Variants in TAFA2 observed in about 807,000 individuals in gnomAD.
TAFA2 encodes the protein TAFA chemokine like family member 2.
In TAFA2, 7 loss-of-function variants were observed where a neutral mutation model predicts 18.8. That is an observed-to-expected ratio of 0.37 (90% confidence interval 0.21 to 0.70). The LOEUF is 0.70. TAFA2 is among the 30% of genes least tolerant of loss of function. The pLI, the probability that TAFA2 is intolerant of heterozygous loss-of-function variation, is 0.53. For missense variants in TAFA2, 122 were observed against 158.1 expected, an observed-to-expected ratio of 0.77 and a Z score of 1.23; for synonymous variants, 60 against 54.2, an observed-to-expected ratio of 1.11 and a Z score of -0.47.
chr12:61,875,005 T>C (rs1293557880), intron 1 of TAFA2, among the ~76,000 whole-genome samples: 1 of 152,140 alleles, frequency 6.6e-6, no homozygotes, highest in Non-Finnish European at 1.5e-5. Flanking sequence ...TCAAAGGTCC[T>C]TCTCTCAGAG....
chr12:61,957,059 G>T (rs1878719791), intron 1 of TAFA2, among the ~76,000 whole-genome samples: 1 of 152,142 alleles, frequency 6.6e-6, no homozygotes, highest in South Asian at 2.1e-4. Flanking sequence ...GTTTCACTGA[G>T]TTCCCAGGTG....
At chr12:61,841,984 A>G (rs990853699) in intron 2 of TAFA2, among the ~76,000 whole-genome samples, 2 of 152,060 alleles carry the variant, frequency 1.3e-5, no homozygotes, top group African/African-American at 2.4e-5. Context: ...AACCGTCATG[A>G]TTGGAGTTCC....
At chr12:62,202,228 T>C (rs2062674195) in intron 1 of TAFA2, among the ~76,000 whole-genome samples, 1 of 152,146 alleles carries the variant, frequency 6.6e-6, no homozygotes, top group African/African-American at 2.4e-5. Context: ...TTCATATCCC[T>C]ATCTACTTCA....
At chr12:62,150,901 A>G (rs2062323752) in intron 1 of TAFA2, among the ~76,000 whole-genome samples, 1 of 151,538 alleles carries the variant, frequency 6.6e-6, no homozygotes, top group Admixed American at 6.6e-5. Context: ...AAAAAAAAAA[A>G]CTGCTTCATC....
intron 1 of TAFA2, among the ~76,000 whole-genome samples, chr12:62,019,839 G>T (rs928204756): frequency 6.6e-6 from 1 of 151,892 alleles, no homozygotes; most frequent in Non-Finnish European, 1.5e-5. Context: ...TAAAAAAATA[G>T]AATAAAATAA....
intron 1 of TAFA2, among the ~76,000 whole-genome samples, chr12:62,050,279 A>G (rs912855202): frequency 1.3e-5 from 2 of 152,064 alleles, no homozygotes; most frequent in East Asian, 1.9e-4. Flanking sequence ...AGGAATTAAA[A>G]TTTTATCACA....
intron 1 of TAFA2, among the ~76,000 whole-genome samples, chr12:62,115,272 G>A (rs1266776992): frequency 6.6e-6 from 1 of 151,992 alleles, no homozygotes; most frequent in Non-Finnish European, 1.5e-5. Flanking sequence ...CCTTCCCCAG[G>A]CCCCACTTTC....
At chr12:61,851,334 A>G (rs925673272) in intron 2 of TAFA2, among the ~76,000 whole-genome samples, 1 of 152,180 alleles carries the variant, frequency 6.6e-6, no homozygotes, top group African/African-American at 2.4e-5. Context: ...AAAAGCACAC[A>G]GAGGGGAATG....
intron 2 of TAFA2, among the ~76,000 whole-genome samples, chr12:61,836,492 A>G (rs1356441231): frequency 1.3e-5 from 2 of 151,742 alleles, no homozygotes. Context: ...GGGTGAATTC[A>G]TATATTTTGT....
At chr12:62,063,434 C>A (rs989637805) in intron 1 of TAFA2, among the ~76,000 whole-genome samples, 8 of 151,994 alleles carry the variant, frequency 5.3e-5, no homozygotes, top group Non-Finnish European at 1.5e-5. Flanking sequence ...TAAAGTTTAC[C>A]TGAAGAAACA....
At chr12:61,847,791 C>T (rs1873467818) in intron 2 of TAFA2, among the ~76,000 whole-genome samples, 1 of 152,160 alleles carries the variant, frequency 6.6e-6, no homozygotes, top group South Asian at 2.1e-4. Context: ...AAAAGACCAG[C>T]AGTAAGGGTG....
At chr12:61,888,688 T>C (rs1171798193) in intron 1 of TAFA2, among the ~76,000 whole-genome samples, 3 of 152,092 alleles carry the variant, frequency 2.0e-5, no homozygotes, top group Admixed American at 6.6e-5. Context: ...CAAGCAAGGA[T>C]GCAACAATCC....
intron 1 of TAFA2, chr12:61,879,181 T>A (rs1874997980): frequency 3.2e-6 from 1 of 316,032 alleles, no homozygotes; most frequent in Non-Finnish European, 5.9e-6. Context: ...CTCAAAAAAA[T>A]GTTTAAAACA....
At chr12:61,890,900 A>T (rs1409174234) in intron 1 of TAFA2, among the ~76,000 whole-genome samples, 4 of 152,200 alleles carry the variant, frequency 2.6e-5, no homozygotes, top group Non-Finnish European at 4.4e-5. Flanking sequence ...GAAAAAAGGC[A>T]GTGGAAATAT....
chr12:62,060,735 G>A (rs1345379608), intron 1 of TAFA2, among the ~76,000 whole-genome samples: 1 of 152,208 alleles, frequency 6.6e-6, no homozygotes, highest in Non-Finnish European at 1.5e-5. Context: ...GCTGCAGACA[G>A]TGATACTGAT....
intron 1 of TAFA2, among the ~76,000 whole-genome samples, chr12:62,219,398 A>G (rs1355720464): frequency 1.3e-5 from 2 of 152,144 alleles, no homozygotes; most frequent in African/African-American, 2.4e-5. Flanking sequence ...GATACAGGAG[A>G]AGGTTAGAGA....
chr12:61,753,430 A>G (rs981480627), intron 4 of TAFA2, among the ~76,000 whole-genome samples, 192 bp downstream of exon 4: 9 of 152,104 alleles, frequency 5.9e-5, no homozygotes, highest in African/African-American at 2.2e-4. Context: ...ATGGTACTCT[A>G]TGGAAGATGT....
chr12:61,847,565 A>C (rs1427070829), intron 2 of TAFA2, among the ~76,000 whole-genome samples: 1 of 152,230 alleles, frequency 6.6e-6, no homozygotes, highest in Admixed American at 6.5e-5. Flanking sequence ...GGATATAATT[A>C]TTTGCATGTC....
At chr12:61,794,185 G>C (rs905553692) in intron 2 of TAFA2, among the ~76,000 whole-genome samples, 1 of 151,900 alleles carries the variant, frequency 6.6e-6, no homozygotes, top group Non-Finnish European at 1.5e-5. Context: ...ACATTTTACT[G>C]GTAGTTCTAA....
Sources: gnomAD v4.1 joint callset for allele counts (sites outside exome capture counted in the v4.1 genomes callset) on GRCh38, gnomAD v4.1.1 for gene constraint, MANE v1.5 for transcripts, NCBI Gene and HGNC (gene_info 2026-07-23, HGNC 2026-07-21) for gene names.